The following FER variants were observed in gnomAD, a reference collection of about 807,000 sequenced individuals.
The protein encoded by FER is FER tyrosine kinase.
In FER, 63 loss-of-function variants were observed where a neutral mutation model predicts 111.0. The observed-to-expected ratio is 0.57, with a 90% CI of 0.46 to 0.70. The LOEUF (loss-of-function observed/expected upper bound fraction) is 0.70, where lower values mean the gene tolerates loss of function less well. FER is among the 30% of genes least tolerant of loss of function. The pLI is 0.00. For synonymous variants in FER, 327 were observed against 313.9 expected (o/e 1.04, Z -0.44); for missense variants, 914 against 954.0 (o/e 0.96, Z 0.55).
chr5:108,757,300 A>G (rs140053720), intron 1 of FER, among the ~76,000 whole-genome samples: 1,759 of 152,256 alleles, frequency 0.012, 17 homozygotes, highest in Middle Eastern at 0.034. Context: ...TCTTGTGTCT[A>G]TATCTTGCTT....
intron 16 of FER, among the ~76,000 whole-genome samples, chr5:109,095,292 T>C (rs1378665617): frequency 3.3e-5 from 5 of 152,102 alleles, no homozygotes; most frequent in African/African-American, 9.7e-5. Context: ...AAAGCCAGTA[T>C]GTTTTTGGAG....
At chr5:108,993,793 T>C (rs1045809680) in intron 13 of FER, among the ~76,000 whole-genome samples, 1 of 152,222 alleles carries the variant, frequency 6.6e-6, no homozygotes, top group African/African-American at 2.4e-5. Context: ...CCAGCATCTG[T>C]TGTGTCTTAA....
intron 17 of FER, among the ~76,000 whole-genome samples, chr5:109,173,389 C>T (rs1472581174): frequency 6.6e-6 from 1 of 152,250 alleles, no homozygotes. Context: ...AGTAAATGGA[C>T]TCAATGGTTG....
At chr5:109,160,129 A>G (rs1303498301) in intron 17 of FER, among the ~76,000 whole-genome samples, 3 of 152,174 alleles carry the variant, frequency 2.0e-5, no homozygotes, top group Non-Finnish European at 4.4e-5. Context: ...AGTATAAGAA[A>G]AACAAGGCAT....
intron 13 of FER, among the ~76,000 whole-genome samples, chr5:109,036,815 T>C (rs1463929903): frequency 6.6e-6 from 1 of 152,050 alleles, no homozygotes; most frequent in Non-Finnish European, 1.5e-5. Flanking sequence ...TGAGATCAGA[T>C]AATGGGATGC....
intron 1 of FER, among the ~76,000 whole-genome samples, chr5:108,759,248 CA>C (rs1198131503): frequency 2.0e-5 from 3 of 152,216 alleles, no homozygotes; most frequent in Non-Finnish European, 4.4e-5. Context: ...GGACATAATT[CA>C]GGCAAGTGCT....
intron 17 of FER, among the ~76,000 whole-genome samples, chr5:109,116,408 T>G (rs1268204628): frequency 6.9e-6 from 1 of 145,204 alleles, no homozygotes; most frequent in Admixed American, 7.1e-5. Context: ...GAATGCTCTG[T>G]CAGATTATTC....
intron 16 of FER, among the ~76,000 whole-genome samples, chr5:109,048,023 AGAGT>A (rs1401371278): frequency 6.6e-6 from 1 of 152,188 alleles, no homozygotes; most frequent in Non-Finnish European, 1.5e-5. Context: ...CTTTACAAAT[AGAGT>A]ATTTAATAAG....
At chr5:109,082,263 T>C (rs556318233) in intron 16 of FER, among the ~76,000 whole-genome samples, 1 of 152,184 alleles carries the variant, frequency 6.6e-6, no homozygotes, top group African/African-American at 2.4e-5. Context: ...AAGAGCTTAC[T>C]GTGTGACCTG....
At chr5:109,030,217 T>C (rs1469432759) in intron 13 of FER, among the ~76,000 whole-genome samples, 1 of 152,212 alleles carries the variant, frequency 6.6e-6, no homozygotes, top group African/African-American at 2.4e-5. Context: ...TGTGTTTTCA[T>C]ATTTTTCAAG....
intron 17 of FER, among the ~76,000 whole-genome samples, chr5:109,110,683 T>C (rs1176511843): frequency 1.3e-5 from 2 of 152,112 alleles, no homozygotes; most frequent in African/African-American, 2.4e-5. Flanking sequence ...AGTTTTAGGG[T>C]ACATGTGCAC....
At chr5:108,894,788 G>T (rs1033399000) in intron 9 of FER, among the ~76,000 whole-genome samples, 1 of 152,090 alleles carries the variant, frequency 6.6e-6, no homozygotes, top group African/African-American at 2.4e-5. Flanking sequence ...AAGAGAGAGA[G>T]CATGTGCAGG....
chr5:108,820,861 C>T (rs969110739), intron 3 of FER, among the ~76,000 whole-genome samples: 5 of 152,168 alleles, frequency 3.3e-5, no homozygotes, highest in South Asian at 2.1e-4. Context: ...TGCAGTGGCT[C>T]ACGCCTGTAA....
At chr5:108,863,524 T>G (rs1308119836) in intron 5 of FER, among the ~76,000 whole-genome samples, 2 of 152,144 alleles carry the variant, frequency 1.3e-5, no homozygotes, top group Admixed American at 1.3e-4. Context: ...CTATGAAAAA[T>G]TATTAGTAAC....
intron 13 of FER, among the ~76,000 whole-genome samples, chr5:108,984,250 G>A (rs17407218): frequency 0.054 from 8,283 of 152,044 alleles, 312 homozygotes; most frequent in Non-Finnish European, 0.081. Context: ...TAAAGTTACT[G>A]TAGGCAAAGA....
At chr5:109,049,287 C>T (rs1772417747) in intron 16 of FER, among the ~76,000 whole-genome samples, 1 of 152,176 alleles carries the variant, frequency 6.6e-6, no homozygotes, top group African/African-American at 2.4e-5. Context: ...AAGCCAAAAT[C>T]AGGATGTCAG....
intron 17 of FER, among the ~76,000 whole-genome samples, chr5:109,149,087 A>T (rs1754543168): frequency 3.5e-5 from 2 of 57,020 alleles, no homozygotes; most frequent in African/African-American, 1.4e-4. Flanking sequence ...CTGATATATT[A>T]AAAAAAATGC....
At chr5:109,075,428 ATTTTT>A (rs749923297) in intron 16 of FER, among the ~76,000 whole-genome samples, 1 of 128,534 alleles carries the variant, frequency 7.8e-6, no homozygotes, top group Non-Finnish European at 1.6e-5. Flanking sequence ...TTTGCTTAGC[ATTTTT>A]TTTTTTTTTT....
intron 13 of FER, among the ~76,000 whole-genome samples, chr5:108,988,772 G>T (rs1037423870): frequency 1.3e-5 from 2 of 151,866 alleles, no homozygotes; most frequent in Non-Finnish European, 2.9e-5. Context: ...TGTTGGTTTT[G>T]GTGTTATTTG....
Sources: allele counts gnomAD v4.1 joint callset (sites outside exome capture counted in the v4.1 genomes callset), GRCh38; gene constraint gnomAD v4.1.1; transcripts MANE v1.5; gene names NCBI Gene and HGNC (gene_info 2026-07-23, HGNC 2026-07-21).